CRYL1: variants seen among roughly 807,000 people sequenced by gnomAD.
CRYL1 encodes the protein lambda-crystallin homolog.
A neutral mutation model predicts 36.6 loss-of-function variants in CRYL1; 29 were observed. The ratio of observed to expected loss-of-function variants is 0.79; its 90% CI spans 0.59 to 1.08. CRYL1 has a LOEUF of 1.08. Ranked by LOEUF, CRYL1 falls within the 50% of genes least tolerant of loss-of-function variation. The pLI, the probability that CRYL1 is intolerant of heterozygous loss-of-function variation, is 0.00. For missense variants in CRYL1, 411 were observed against 407.9 expected (o/e 1.01, Z -0.06); for synonymous variants, 152 against 151.5 (o/e 1.00, Z -0.02).
At chr13:20,494,480 T>C (rs1314214729) in intron 2 of CRYL1, among the ~76,000 whole-genome samples, 2 of 152,146 alleles carry the variant, frequency 1.3e-5, no homozygotes, top group Non-Finnish European at 2.9e-5. Context: ...CCCAACCATC[T>C]TTCCACTGAA....
intron 2 of CRYL1, among the ~76,000 whole-genome samples, chr13:20,493,471 C>A (rs2033549921): frequency 6.6e-6 from 1 of 152,138 alleles, no homozygotes; most frequent in Non-Finnish European, 1.5e-5. Context: ...ACCAGCCTGG[C>A]AAACATGGTG....
At position 20,517,932 on chromosome 13, in the gene CRYL1, T is replaced by A. The variant is rs1405131940; in HGVS notation, c.42-5382A>T. Among the ~76,000 whole-genome samples the A allele has an allele frequency of 3.8e-5, 3 of 78,512 alleles. No individual in the cohort carries two copies. In the East Asian group the frequency reaches 1.1e-3, roughly 29 times the overall value. The allele number at this position is 78,512 out of a possible 152,430, so 51.5% of individuals were successfully genotyped here. ...GCCTGGGCGACAGAGCAAGACTCTG[T>A]CTCAAGAAAAAAAAAAAAAAAAAAG... On this transcript the variant is annotated intron_variant, in intron 1 of 7. Coordinates refer to ENST00000298248, the MANE Select transcript of CRYL1 (RefSeq NM_015974.3).
rs1231003361 is a variant in CRYL1 at position 20,435,637 on chromosome 13, G to A, written c.439-3341C>T. ...CCAAACCTTCCATGTGGGAGTGTGC[G>A]AGGTGGACTCGGAAACACGCCCCCG... On this transcript the variant is annotated intron_variant, in intron 4 of 7. Coordinates refer to ENST00000298248, the MANE Select transcript of CRYL1 (RefSeq NM_015974.3). This position sits in a 1 kb window ranked among gnomAD's most constrained non-coding sequence, Gnocchi z 4.0. 1.3e-5 allele frequency among the ~76,000 whole-genome samples: 2 copies of A among 152,218 alleles called. No individual in the cohort carries two copies. The highest frequency in any genetic ancestry group is 4.8e-5 in the African/African-American group (2 of 41,464).
chr13:20,517,267 T>C (rs1045451912), intron 1 of CRYL1, among the ~76,000 whole-genome samples: 2 of 152,198 alleles, frequency 1.3e-5, no homozygotes, highest in Admixed American at 6.5e-5. Flanking sequence ...TTCAAAATGC[T>C]TGGGCCCAGT....
At chr13:20,417,516 G>C (rs2031700911) in intron 5 of CRYL1, among the ~76,000 whole-genome samples, 1 of 152,106 alleles carries the variant, frequency 6.6e-6, no homozygotes, top group Non-Finnish European at 1.5e-5. Flanking sequence ...AAATTCTCAA[G>C]TCACACATAC....
intron 1 of CRYL1, among the ~76,000 whole-genome samples, chr13:20,514,456 A>C (rs977469443): frequency 1.3e-5 from 2 of 152,148 alleles, no homozygotes; most frequent in African/African-American, 4.8e-5. Flanking sequence ...TGCTCCTCAA[A>C]ACTGTTAGGG....
intron 3 of CRYL1, among the ~76,000 whole-genome samples, chr13:20,444,013 C>T (rs1286025999): frequency 1.3e-5 from 2 of 152,204 alleles, no homozygotes; most frequent in Non-Finnish European, 2.9e-5. Context: ...GCCTAATTAA[C>T]ACCCCAGTTT....
At position 20,404,259 on chromosome 13, in the gene CRYL1, G is replaced by GA. The variant is rs532043622; in HGVS notation, c.847-18dup. On this transcript the variant is annotated splice_polypyrimidine_tract_variant and intron_variant, in intron 7 of 7. Transcript: ENST00000298248. ...GCACATGTCCTGCAAGAAGGAGAAG[G>GA]AAAAAAAAGGACAATAAAGAGGAAA... 1.0e-4 allele frequency: 153 copies of GA among 1,460,538 alleles called. 1 individual carries two copies. In the Middle Eastern group the frequency reaches 1.6e-3, roughly 15 times the overall value. The allele number at this position is 1,460,538 out of a possible 1,614,324, so 90.5% of individuals were successfully genotyped here. A position where few individuals can be genotyped will look rare whatever the true frequency, so the allele number is the denominator to read the frequency against.
intron 5 of CRYL1, among the ~76,000 whole-genome samples, chr13:20,420,715 G>T (rs368362547): frequency 0.15 from 4,218 of 27,880 alleles, 602 homozygotes; most frequent in Non-Finnish European, 0.24. Context: ...GTGTGTGTGT[G>T]TGTGTGTGTG....
chr13:20,420,328 G>A (rs1434910403), intron 5 of CRYL1, among the ~76,000 whole-genome samples: 1 of 152,176 alleles, frequency 6.6e-6, no homozygotes, highest in African/African-American at 2.4e-5. Context: ...GCTGCCGGAG[G>A]AGAGGCGGGT....
chr13:20,416,717 T>A (rs1027369396), intron 5 of CRYL1, among the ~76,000 whole-genome samples: 1 of 152,200 alleles, frequency 6.6e-6, no homozygotes, highest in African/African-American at 2.4e-5. Flanking sequence ...AGCTGATTTT[T>A]AAAAAATCAT....
At chr13:20,455,985 G>A (rs1286075915) in intron 3 of CRYL1, among the ~76,000 whole-genome samples, 1 of 152,118 alleles carries the variant, frequency 6.6e-6, no homozygotes, top group Non-Finnish European at 1.5e-5. Context: ...ATAAGTCAAT[G>A]GGGAAAAGAT....
intron 5 of CRYL1, among the ~76,000 whole-genome samples, chr13:20,429,240 C>T (rs905906443): frequency 6.6e-6 from 1 of 152,200 alleles, no homozygotes; most frequent in African/African-American, 2.4e-5. Context: ...AATTCTGCTC[C>T]TTTTCTATTA....
At chr13:20,477,972 T>TAC (rs2033200352) in intron 3 of CRYL1, among the ~76,000 whole-genome samples, 1 of 117,284 alleles carries the variant, frequency 8.5e-6, no homozygotes, top group African/African-American at 4.9e-5. Flanking sequence ...ATTACGTAGT[T>TAC]ATATATATAT....
At chr13:20,523,043 A>C (rs1367982152) in intron 1 of CRYL1, among the ~76,000 whole-genome samples, 12 of 147,812 alleles carry the variant, frequency 8.1e-5, no homozygotes, top group African/African-American at 3.0e-4. Context: ...CAGCCTCCTG[A>C]GTAGCTGGGA....
intron 4 of CRYL1, among the ~76,000 whole-genome samples, chr13:20,436,318 G>A (rs2032217256): frequency 6.6e-6 from 1 of 152,206 alleles, no homozygotes; most frequent in Non-Finnish European, 1.5e-5. Flanking sequence ...AAAAAGCAGG[G>A]AGCCTCTTTG....
intron 3 of CRYL1, among the ~76,000 whole-genome samples, chr13:20,444,230 C>T (rs974628456): frequency 1.3e-5 from 2 of 152,148 alleles, no homozygotes; most frequent in Non-Finnish European, 2.9e-5. Flanking sequence ...GCACTATGCT[C>T]TAACCAGGAG....
intron 3 of CRYL1, among the ~76,000 whole-genome samples, chr13:20,459,049 C>A (rs960459899): frequency 1.3e-5 from 2 of 152,006 alleles, no homozygotes; most frequent in Non-Finnish European, 2.9e-5. Flanking sequence ...TCCTGGCTAA[C>A]ACGGTGAAAC....
chr13:20,454,977 A>C (rs1250667034), intron 3 of CRYL1, among the ~76,000 whole-genome samples: 1 of 152,172 alleles, frequency 6.6e-6, no homozygotes, highest in African/African-American at 2.4e-5. Flanking sequence ...GAAAGATATA[A>C]AAAGCATATA....
Sources: allele counts gnomAD v4.1 joint callset (sites outside exome capture counted in the v4.1 genomes callset), GRCh38; gene constraint gnomAD v4.1.1; non-coding constraint Gnocchi (gnomAD v3.1); transcripts MANE v1.5; gene names NCBI Gene and HGNC (gene_info 2026-07-23, HGNC 2026-07-21).